ROBO2: variants seen among roughly 807,000 people sequenced by gnomAD.
ROBO2 encodes the protein roundabout guidance receptor 2.
Under a neutral mutation model 160.8 loss-of-function variants are expected in ROBO2, and 53 were observed. The ratio of observed to expected loss-of-function variants is 0.33; its 90% CI spans 0.26 to 0.41. The LOEUF (loss-of-function observed/expected upper bound fraction) is 0.41. Ranked by LOEUF, ROBO2 falls within the 10% of genes least tolerant of loss-of-function variation. The pLI is 1.00. For synonymous variants in ROBO2, 664 were observed against 611.7 expected (o/e 1.09, Z -1.26); for missense variants, 1,577 against 1,722.4 (o/e 0.92, Z 1.49).
intron 2 of ROBO2, among the ~76,000 whole-genome samples, chr3:76,956,401 C>CA (rs1323939346): frequency 4.6e-5 from 7 of 151,740 alleles, no homozygotes; most frequent in African/African-American, 1.7e-4. Flanking sequence ...ACTAAAAATA[C>CA]AAAAAATTAG....
intron 2 of ROBO2, among the ~76,000 whole-genome samples, chr3:76,893,448 C>T (rs17819118): frequency 0.3 from 45,286 of 151,870 alleles, 7,337 homozygotes; most frequent in Non-Finnish European, 0.35. Context: ...AAAATGACTC[C>T]TTCAAAATCA....
intron 2 of ROBO2, among the ~76,000 whole-genome samples, chr3:76,108,859 CTATTT>C (rs1249443754): frequency 2.7e-5 from 4 of 150,794 alleles, no homozygotes; most frequent in African/African-American, 9.7e-5. Context: ...ATACAGATAT[CTATTT>C]TATTGATTTT....
chr3:76,943,241 T>C (rs1170112067), intron 2 of ROBO2, among the ~76,000 whole-genome samples: 2 of 152,206 alleles, frequency 1.3e-5, no homozygotes, highest in Non-Finnish European at 2.9e-5. Context: ...GACTGGCATT[T>C]GCGCTGGGGA....
intron 2 of ROBO2, among the ~76,000 whole-genome samples, chr3:76,005,701 C>CA (rs2066002160): frequency 6.6e-6 from 1 of 152,068 alleles, no homozygotes; most frequent in Non-Finnish European, 1.5e-5. Context: ...AGAGTTACAA[C>CA]AAAATGATCA....
At chr3:77,194,148 A>G (rs2082116970) in intron 2 of ROBO2, among the ~76,000 whole-genome samples, 1 of 152,216 alleles carries the variant, frequency 6.6e-6, no homozygotes, top group African/African-American at 2.4e-5. Flanking sequence ...AAACATTTGT[A>G]TAATAAGCTA....
chr3:76,062,610 T>A (rs2068106550), intron 2 of ROBO2, among the ~76,000 whole-genome samples: 1 of 152,178 alleles, frequency 6.6e-6, no homozygotes, highest in East Asian at 1.9e-4. Flanking sequence ...AGGCCTGTGT[T>A]CTAGATGCAA....
intron 2 of ROBO2, among the ~76,000 whole-genome samples, chr3:77,003,267 T>C (rs62249942): frequency 0.064 from 9,710 of 152,196 alleles, 428 homozygotes; most frequent in African/African-American, 0.12. Flanking sequence ...GCAGAAAATA[T>C]GGGAGCAAGA....
chr3:76,579,786 C>CAAAA lies in ROBO2; in HGVS notation c.110-518213_110-518210dup, dbSNP rs5850267. On this transcript the variant is annotated intron_variant, in intron 2 of 26. Transcript: ENST00000487694. ...AAAAGCTATGACTTTGGTTGAGTTACAAAAAAAAAAAAAAAAAAGAAAGAA... is the reference window on the plus strand; with the variant it reads ...AAAAGCTATGACTTTGGTTGAGTTACAAAAAAAAAAAAAAAAAAAAAAGAAAGAA... 6.3e-3 allele frequency among the ~76,000 whole-genome samples: 671 copies of CAAAA among 107,060 alleles called. 4 individuals carry two copies. The highest frequency in any genetic ancestry group is 0.021 in the African/African-American group (613 of 29,790). The allele number at this position is 107,060 out of a possible 152,430, so 70.2% of individuals were successfully genotyped here.
At chr3:77,369,031 T>A (rs190003825) in intron 2 of ROBO2, among the ~76,000 whole-genome samples, 73 of 152,286 alleles carry the variant, frequency 4.8e-4, no homozygotes, top group African/African-American at 1.6e-3. Context: ...CCCTTAAACA[T>A]TGGCAAATTA....
intron 2 of ROBO2, among the ~76,000 whole-genome samples, chr3:77,351,774 T>C (rs2068365797): frequency 6.6e-6 from 1 of 151,936 alleles, no homozygotes; most frequent in Non-Finnish European, 1.5e-5. Flanking sequence ...ACATTCTAAG[T>C]GGAAAGAGCA....
intron 2 of ROBO2, among the ~76,000 whole-genome samples, chr3:77,386,076 G>A (rs527869707): frequency 6.6e-6 from 1 of 152,086 alleles, no homozygotes; most frequent in Non-Finnish European, 1.5e-5. Flanking sequence ...TAAAATGCAG[G>A]TAATATGCTT....
At chr3:76,231,026 C>T (rs1424895654) in intron 2 of ROBO2, among the ~76,000 whole-genome samples, 1 of 152,110 alleles carries the variant, frequency 6.6e-6, no homozygotes, top group Non-Finnish European at 1.5e-5. Flanking sequence ...ACGTGTCCCT[C>T]AGAGCCCGCG....
intron 2 of ROBO2, among the ~76,000 whole-genome samples, chr3:76,815,354 C>A (rs1244584495): frequency 1.3e-5 from 2 of 151,624 alleles, no homozygotes; most frequent in African/African-American, 4.8e-5. Context: ...GTCCAATAAG[C>A]TGAGCTATTT....
At chr3:77,245,495 C>T (rs982852734) in intron 2 of ROBO2, among the ~76,000 whole-genome samples, 1 of 152,224 alleles carries the variant, frequency 6.6e-6, no homozygotes, top group African/African-American at 2.4e-5. Flanking sequence ...TGCCACATAT[C>T]TCCAGAATTG....
At chr3:76,208,946 G>A (rs1702975084) in intron 2 of ROBO2, among the ~76,000 whole-genome samples, 1 of 152,036 alleles carries the variant, frequency 6.6e-6, no homozygotes, top group Admixed American at 6.6e-5. Context: ...AGGTCGTTTT[G>A]CATGTACCTG....
intron 2 of ROBO2, among the ~76,000 whole-genome samples, chr3:76,658,487 G>A (rs1356707832): frequency 1.3e-5 from 2 of 151,916 alleles, no homozygotes; most frequent in Non-Finnish European, 2.9e-5. Context: ...CCCTCCCCTA[G>A]CCTCGCACCC....
intron 2 of ROBO2, among the ~76,000 whole-genome samples, chr3:77,245,342 T>C (rs1309503342): frequency 6.6e-6 from 1 of 152,180 alleles, no homozygotes; most frequent in Non-Finnish European, 1.5e-5. Flanking sequence ...CTAAAGGCCT[T>C]GTGCTGGTTA....
At chr3:76,047,933 T>G (rs182591592) in intron 2 of ROBO2, among the ~76,000 whole-genome samples, 33 of 152,338 alleles carry the variant, frequency 2.2e-4, no homozygotes, top group Admixed American at 1.4e-3. Flanking sequence ...GAAATTATAT[T>G]CTTAATGAAT....
intron 2 of ROBO2, among the ~76,000 whole-genome samples, chr3:76,581,455 G>A (rs2085693343): frequency 6.6e-6 from 1 of 152,020 alleles, no homozygotes; most frequent in South Asian, 2.1e-4. Context: ...TGGGCAACAT[G>A]GCGAGATGTT....
Sources: allele counts gnomAD v4.1 joint callset (sites outside exome capture counted in the v4.1 genomes callset), GRCh38; gene constraint gnomAD v4.1.1; transcripts MANE v1.5; gene names NCBI Gene and HGNC (gene_info 2026-07-23, HGNC 2026-07-21).